The following GRID1 variants were observed in gnomAD, a reference collection of about 807,000 sequenced individuals.
GRID1 encodes glutamate receptor ionotropic, delta-1.
GRID1 carries 28 observed loss-of-function variants against 98.0 expected under a neutral mutation model. The observed-to-expected ratio is 0.29, with a 90% CI of 0.21 to 0.39. The LOEUF (loss-of-function observed/expected upper bound fraction) is 0.39. Ranked by LOEUF, GRID1 falls within the 10% of genes least tolerant of loss-of-function variation. GRID1 has a pLI of 1.00. For missense variants in GRID1, 1,111 were observed against 1,340.5 expected (o/e 0.83, Z 2.67); for synonymous variants, 553 against 538.5 (o/e 1.03, Z -0.37).
intron 4 of GRID1, among the ~76,000 whole-genome samples, chr10:86,112,146 C>T (rs943520702): frequency 1.1e-4 from 17 of 152,264 alleles, no homozygotes; most frequent in African/African-American, 3.9e-4. Flanking sequence ...AGCACCTCAT[C>T]CCTATGACTA....
intron 4 of GRID1, among the ~76,000 whole-genome samples, chr10:85,989,072 TA>T (rs1323234485): frequency 6.6e-6 from 1 of 152,196 alleles, no homozygotes; most frequent in Non-Finnish European, 1.5e-5. Context: ...CTGGTGTGAA[TA>T]ATTCTAGCAG....
At chr10:85,873,376 G>A (rs545650871) in intron 5 of GRID1, among the ~76,000 whole-genome samples, 53 of 152,336 alleles carry the variant, frequency 3.5e-4, no homozygotes, top group Non-Finnish European at 6.0e-4. Context: ...CAGCAAGTCA[G>A]CAGCACAGAC....
intron 3 of GRID1, among the ~76,000 whole-genome samples, chr10:86,199,152 A>T: frequency 6.6e-6 from 1 of 152,064 alleles, no homozygotes; most frequent in East Asian, 1.9e-4. Flanking sequence ...CCTTTCCTTA[A>T]ACAGCATTTC....
intron 4 of GRID1, among the ~76,000 whole-genome samples, chr10:86,077,524 A>C (rs1039266026): frequency 8.5e-5 from 13 of 152,208 alleles, no homozygotes; most frequent in African/African-American, 3.1e-4. Flanking sequence ...CTCCTCTTCC[A>C]AAGCATTCCC....
At chr10:86,198,310 C>G (rs942356601) in intron 3 of GRID1, among the ~76,000 whole-genome samples, 2 of 152,078 alleles carry the variant, frequency 1.3e-5, no homozygotes, top group Admixed American at 6.5e-5. Context: ...GGTGTGTAAC[C>G]TGCAGGTGAA....
chr10:86,330,439 C>G (rs1848122880), intron 2 of GRID1, among the ~76,000 whole-genome samples: 1 of 152,184 alleles, frequency 6.6e-6, no homozygotes, highest in South Asian at 2.1e-4. Flanking sequence ...CAGTTCCCCT[C>G]CAGCAAGCCC....
At chr10:85,992,496 AG>A (rs1312896514) in intron 4 of GRID1, among the ~76,000 whole-genome samples, 1 of 151,908 alleles carries the variant, frequency 6.6e-6, no homozygotes, top group Non-Finnish European at 1.5e-5. Context: ...GTGGGGTTGG[AG>A]GTCTCACTAG....
At chr10:86,323,216 C>G (rs565613423) in intron 2 of GRID1, among the ~76,000 whole-genome samples, 1 of 152,202 alleles carries the variant, frequency 6.6e-6, no homozygotes, top group African/African-American at 2.4e-5. Context: ...TCTCGAGAGC[C>G]GGGGTGGCCT....
chr10:85,751,905 G>A (rs1842049431), intron 8 of GRID1, among the ~76,000 whole-genome samples: 1 of 152,104 alleles, frequency 6.6e-6, no homozygotes, highest in Non-Finnish European at 1.5e-5. Flanking sequence ...ATAATTTTAT[G>A]CAAGCCCAGG....
intron 2 of GRID1, among the ~76,000 whole-genome samples, chr10:86,274,617 G>A (rs1230618074): frequency 2.0e-5 from 3 of 152,024 alleles, no homozygotes; most frequent in Non-Finnish European, 2.9e-5. Context: ...TCCTTGAAGA[G>A]GTCCTTCACG....
chr10:86,055,811 C>CAT (rs1843564810), intron 4 of GRID1, among the ~76,000 whole-genome samples: 1 of 150,480 alleles, frequency 6.6e-6, no homozygotes, highest in Non-Finnish European at 1.5e-5. Flanking sequence ...CCTGTGCTCT[C>CAT]ATTCTCTCTC....
At chr10:85,980,171 G>A (rs910587436) in intron 4 of GRID1, among the ~76,000 whole-genome samples, 18 of 152,188 alleles carry the variant, frequency 1.2e-4, no homozygotes, top group Admixed American at 6.5e-4. Flanking sequence ...TCTCTTACCC[G>A]TCAGACCCCA....
intron 4 of GRID1, among the ~76,000 whole-genome samples, chr10:86,020,946 A>T (rs1444161177): frequency 6.6e-6 from 1 of 152,202 alleles, no homozygotes; most frequent in African/African-American, 2.4e-5. Flanking sequence ...ACACACAGAG[A>T]TGAGAAAACA....
chr10:85,911,802 C>A (rs1014045599), intron 5 of GRID1, among the ~76,000 whole-genome samples: 1 of 152,162 alleles, frequency 6.6e-6, no homozygotes, highest in African/African-American at 2.4e-5. Flanking sequence ...AGAGGCCAGA[C>A]CCACAGGGAT....
chr10:85,830,245 T>C (rs1842855988), intron 8 of GRID1, among the ~76,000 whole-genome samples: 1 of 152,202 alleles, frequency 6.6e-6, no homozygotes, highest in African/African-American at 2.4e-5. Flanking sequence ...CTGGGATAAC[T>C]GGCTAGTCAT....
chr10:85,915,596 A>G (rs918184207), intron 5 of GRID1, among the ~76,000 whole-genome samples: 1 of 151,938 alleles, frequency 6.6e-6, no homozygotes, highest in African/African-American at 2.4e-5. Flanking sequence ...ACACACATAT[A>G]CACACACCTG....
At chr10:86,262,001 T>A (rs916106338) in intron 2 of GRID1, among the ~76,000 whole-genome samples, 1 of 152,248 alleles carries the variant, frequency 6.6e-6, no homozygotes, top group Non-Finnish European at 1.5e-5. Flanking sequence ...AAAGCATTAT[T>A]CTGGCATCGG....
At chr10:85,992,102 G>A (rs1842687370) in intron 4 of GRID1, among the ~76,000 whole-genome samples, 1 of 152,128 alleles carries the variant, frequency 6.6e-6, no homozygotes, top group East Asian at 1.9e-4. Context: ...GCAAGTGCAG[G>A]TGGGCTTGAC....
chr10:86,331,747 T>C (rs1372276154), intron 2 of GRID1, among the ~76,000 whole-genome samples: 1 of 152,164 alleles, frequency 6.6e-6, no homozygotes, highest in Non-Finnish European at 1.5e-5. Flanking sequence ...GAGTTTCCAT[T>C]TCCTCATCTG....
Sources: allele counts gnomAD v4.1 joint callset (sites outside exome capture counted in the v4.1 genomes callset), GRCh38; gene constraint gnomAD v4.1.1; transcripts MANE v1.5; gene names NCBI Gene and HGNC (gene_info 2026-07-23, HGNC 2026-07-21).